FTO: variants seen among roughly 807,000 people sequenced by gnomAD.
FTO encodes alpha-ketoglutarate-dependent dioxygenase FTO.
FTO carries 47 observed loss-of-function variants against 63.9 expected under a neutral mutation model. That is an observed-to-expected ratio of 0.74 (90% CI 0.58 to 0.94). FTO has a LOEUF of 0.94. Among genes scored for constraint, FTO ranks in the 40% least tolerant of loss-of-function variants. The pLI, the probability that FTO is intolerant of heterozygous loss-of-function variation, is 0.00. For synonymous variants in FTO, 207 were observed against 224.4 expected (o/e 0.92, Z 0.69); for missense variants, 562 against 618.1 (o/e 0.91, Z 0.96).
intron 4 of FTO, among the ~76,000 whole-genome samples, chr16:53,850,008 A>G (rs2079742818): frequency 6.6e-6 from 1 of 152,218 alleles, no homozygotes; most frequent in African/African-American, 2.4e-5. Context: ...AAGTACACAT[A>G]ATTTATGGCT....
At chr16:54,073,848 A>G (rs2085926585) in intron 8 of FTO, among the ~76,000 whole-genome samples, 1 of 152,190 alleles carries the variant, frequency 6.6e-6, no homozygotes, top group African/African-American at 2.4e-5. Flanking sequence ...ACTCATTTAT[A>G]GACTCCCATC....
At chr16:53,889,204 A>T (rs1189151161) in intron 7 of FTO, among the ~76,000 whole-genome samples, 1 of 152,194 alleles carries the variant, frequency 6.6e-6, no homozygotes, top group Non-Finnish European at 1.5e-5. Context: ...TAAGAGGATA[A>T]CAATTCGAAA....
At chr16:53,967,904 G>A (rs1426919088) in intron 8 of FTO, among the ~76,000 whole-genome samples, 1 of 152,168 alleles carries the variant, frequency 6.6e-6, no homozygotes, top group Non-Finnish European at 1.5e-5. Flanking sequence ...TTGCAGGAAT[G>A]GAGTTGTGTG....
chr16:53,842,408 T>C (rs575939148), intron 3 of FTO, among the ~76,000 whole-genome samples: 1 of 152,318 alleles, frequency 6.6e-6, no homozygotes, highest in African/African-American at 2.4e-5. Context: ...TAAATAATTA[T>C]TAAATTAACT....
chr16:54,075,321 G>A (rs1255141105), intron 8 of FTO, among the ~76,000 whole-genome samples: 18 of 151,944 alleles, frequency 1.2e-4, no homozygotes, highest in Non-Finnish European at 1.8e-4. Flanking sequence ...TGGTTTGTTC[G>A]CCTCTGATAA....
chr16:53,826,380 T>C lies in FTO; in HGVS notation c.640T>C (p.Tyr214His). The change falls in exon 3 of 9, where the codon TAC (tyrosine) becomes CAC (histidine). Residue 214 changes from tyrosine to histidine, a missense_variant. Physicochemically the swap from Tyr to His is moderately conservative, Grantham distance 83 (BLOSUM62 2). Coordinates refer to ENST00000471389, the MANE Select transcript of FTO (RefSeq NM_001080432.3). ...LNFMDPQKMP[Y>H]LKEEPYFGMG... ...TTTCATGGATCCTCAGAAAATGCCA[T>C]ACCTGAAAGAGGAACCTTATTTTGG... The C allele has an allele frequency of 6.2e-7, 1 of 1,614,196 alleles. No homozygotes were observed. Among genetic ancestry groups the C allele is most frequent in the Non-Finnish European group, 8.5e-7 (1 of 1,180,022 alleles).
At chr16:54,037,632 C>T (rs769012683) in intron 8 of FTO, among the ~76,000 whole-genome samples, 9 of 152,204 alleles carry the variant, frequency 5.9e-5, no homozygotes, top group African/African-American at 1.4e-4. Flanking sequence ...ATTGCCTAGA[C>T]GTGTTTCAAT....
chr16:54,025,994 A>T (rs1431041575), intron 8 of FTO, among the ~76,000 whole-genome samples: 2 of 151,368 alleles, frequency 1.3e-5, no homozygotes, highest in Non-Finnish European at 2.9e-5. Flanking sequence ...CCTGGGCAAC[A>T]GAGCAAGGCT....
intron 7 of FTO, chr16:53,922,915 A>G (rs11076011): frequency 0.38 from 58,469 of 152,058 alleles, 12,233 homozygotes; most frequent in East Asian, 0.84. Flanking sequence ...TGGTTGTAAA[A>G]GAGGCTAATG....
chr16:54,049,535 G>A (rs1405024648), intron 8 of FTO, among the ~76,000 whole-genome samples: 2 of 152,168 alleles, frequency 1.3e-5, no homozygotes, highest in Non-Finnish European at 1.5e-5. Flanking sequence ...AAGTGGTGAG[G>A]GGGGGAAATG....
chr16:54,009,228 A>G (rs2144060837), intron 8 of FTO, among the ~76,000 whole-genome samples: 1 of 152,300 alleles, frequency 6.6e-6, no homozygotes, highest in East Asian at 1.9e-4. Flanking sequence ...TGAACCTAGT[A>G]GTGAATGGCC....
chr16:54,022,219 AAG>A (rs1175576317), intron 8 of FTO, among the ~76,000 whole-genome samples: 3 of 152,206 alleles, frequency 2.0e-5, no homozygotes, highest in African/African-American at 7.2e-5. Context: ...ATGTTCTCTT[AAG>A]GACAGCGTCT....
At chr16:53,718,474 T>C (rs2075949111) in intron 1 of FTO, among the ~76,000 whole-genome samples, 1 of 152,142 alleles carries the variant, frequency 6.6e-6, no homozygotes, top group Admixed American at 6.5e-5. Context: ...CAAATATAAT[T>C]TGTTTTTTCC....
At chr16:53,766,907 A>G (rs2077219617) in intron 1 of FTO, among the ~76,000 whole-genome samples, 1 of 152,188 alleles carries the variant, frequency 6.6e-6, no homozygotes, top group Admixed American at 6.5e-5. Flanking sequence ...AGGCAAAAGC[A>G]GGAGATGACA....
At chr16:53,769,382 G>A (rs556328854) in intron 1 of FTO, among the ~76,000 whole-genome samples, 1 of 152,230 alleles carries the variant, frequency 6.6e-6, no homozygotes, top group African/African-American at 2.4e-5. Context: ...TTTGGGCGGG[G>A]TACTTAATTT....
rs186878133 is a variant in FTO at position 53,747,325 on chromosome 16, C to T, written c.45+43096C>T. On this transcript the variant is annotated intron_variant, in intron 1 of 8. Transcript: ENST00000471389. ...TTCCCACCAACAGATTGCAGGGGTT[C>T]CCTTTTCTCAACATCCTCACTAAAA... Among the ~76,000 whole-genome samples, 4 of 152,236 alleles carry T rather than the reference C, an allele frequency of 2.6e-5. No homozygotes were observed. The East Asian group carries it at 7.7e-4, about 29-fold the overall frequency.
At chr16:53,975,207 G>A (rs1426658877) in intron 8 of FTO, among the ~76,000 whole-genome samples, 1 of 144,222 alleles carries the variant, frequency 6.9e-6, no homozygotes, top group East Asian at 2.0e-4. Context: ...AATATTGTAA[G>A]TTTTTTTTTT....
At chr16:53,732,041 A>ATTTT (rs375814669) in intron 1 of FTO, among the ~76,000 whole-genome samples, 4 of 98,618 alleles carry the variant, frequency 4.1e-5, no homozygotes, top group East Asian at 4.6e-4. Flanking sequence ...TTGTGGCCTT[A>ATTTT]TTTTTTTTTT....
At chr16:53,924,013 A>C (rs1599003326) in intron 7 of FTO, among the ~76,000 whole-genome samples, 1 of 152,174 alleles carries the variant, frequency 6.6e-6, no homozygotes, top group African/African-American at 2.4e-5. Flanking sequence ...AAACAAAAAT[A>C]AGTAGTCATT....
Sources: gnomAD v4.1 joint callset for allele counts (sites outside exome capture counted in the v4.1 genomes callset) on GRCh38, gnomAD v4.1.1 for gene constraint, MANE v1.5 for transcripts, NCBI Gene and HGNC (gene_info 2026-07-23, HGNC 2026-07-21) for gene names.